PTGES3: variants seen among roughly 807,000 people sequenced by gnomAD.
PTGES3 encodes the protein prostaglandin E synthase 3.
A neutral mutation model predicts 29.9 loss-of-function variants in PTGES3; 5 were observed. The ratio of observed to expected loss-of-function variants is 0.17; its 90% CI spans 0.09 to 0.35. The LOEUF (loss-of-function observed/expected upper bound fraction) is 0.35, where lower values mean the gene tolerates loss of function less well. PTGES3 is among the 10% of genes least tolerant of loss of function. The pLI is 1.00. For missense variants in PTGES3, 128 were observed against 190.0 expected, an observed-to-expected ratio of 0.67 and a Z score of 1.92; for synonymous variants, 49 against 57.8, an observed-to-expected ratio of 0.85 and a Z score of 0.69.
At chr12:56,687,353 G>C (rs1952923004) in intron 1 of PTGES3, 1 of 987,988 alleles carries the variant, frequency 1.0e-6, no homozygotes, top group Non-Finnish European at 1.2e-6. Flanking sequence ...CAGGGAAGCG[G>C]CTGAGTTTTG....
intron 1 of PTGES3, chr12:56,687,376 G>A (rs1043800073): frequency 2.9e-5 from 29 of 987,660 alleles, no homozygotes; most frequent in East Asian, 2.3e-4. Context: ...AACCTCCCGT[G>A]TTTTCAAGAG....
chr12:56,684,506 T>C (rs1312065938), intron 1 of PTGES3, among the ~76,000 whole-genome samples: 8 of 152,214 alleles, frequency 5.3e-5, no homozygotes, highest in African/African-American at 1.9e-4. Flanking sequence ...AATTTTATTT[T>C]GGAGATTCGT....
chr12:56,668,047 G>A (rs1379044417), intron 5 of PTGES3, among the ~76,000 whole-genome samples: 5 of 152,140 alleles, frequency 3.3e-5, no homozygotes, highest in Non-Finnish European at 5.9e-5. Flanking sequence ...GGTGGAGGCT[G>A]GAGTGAGCCA....
chr12:56,674,277 G>A (rs1216852026), intron 1 of PTGES3, among the ~76,000 whole-genome samples: 1 of 151,778 alleles, frequency 6.6e-6, no homozygotes, highest in Non-Finnish European at 1.5e-5. Context: ...TGCAAACCAA[G>A]GAAAGGCCTC....
At chr12:56,665,225 G>A in intron 6 of PTGES3, 1 of 985,152 alleles carries the variant, frequency 1.0e-6, no homozygotes, top group African/African-American at 1.7e-5. Flanking sequence ...GCTGGGGTTG[G>A]AAAGATGTTG....
intron 1 of PTGES3, among the ~76,000 whole-genome samples, chr12:56,683,473 CA>C (rs71081388): frequency 0.014 from 404 of 29,720 alleles, 3 homozygotes; most frequent in South Asian, 0.045. Context: ...AACTCTGTCT[CA>C]AAAAAAAAAA....
At chr12:56,687,957 C>G in intron 1 of PTGES3, 41 bp downstream of exon 1, 1 of 1,603,404 alleles carries the variant, frequency 6.2e-7, no homozygotes, top group African/African-American at 1.3e-5. Flanking sequence ...GCGGCCTCGG[C>G]CTCACTCGGC....
chr12:56,674,639 A>C (rs1952141807), intron 1 of PTGES3, among the ~76,000 whole-genome samples: 1 of 151,774 alleles, frequency 6.6e-6, no homozygotes. Flanking sequence ...ATCCTGGCTA[A>C]CACGATGAAA....
intron 6 of PTGES3, 116 bp from the exon 7 acceptor site, chr12:56,664,916 T>A: frequency 1.4e-6 from 2 of 1,465,216 alleles, no homozygotes; most frequent in Non-Finnish European, 1.8e-6. Flanking sequence ...AGGTAGGTAG[T>A]CATATCAAGC....
intron 6 of PTGES3, chr12:56,665,654 CTTTT>C (rs1227175634): frequency 1.9e-5 from 19 of 983,688 alleles, no homozygotes; most frequent in East Asian, 1.1e-4. Flanking sequence ...TCTCTTCTTT[CTTTT>C]TGAGATGGAG....
In PTGES3 at chr12:56,664,348, G is replaced by GA; in HGVS notation, c.*130dup. ...AAGCCTTTTAAAAAACAAACAGGTT[G>GA]AAAAATGGGTTAAAGTAGGCAAATA... On this transcript the variant is annotated 3_prime_UTR_variant, in exon 8 of 8. Coordinates refer to ENST00000262033, the MANE Select transcript of PTGES3 (RefSeq NM_006601.7). 2 of 1,083,840 alleles carry GA rather than the reference G, an allele frequency of 1.8e-6. No homozygotes were observed. Among genetic ancestry groups the GA allele is most frequent in the East Asian group, 2.5e-5 (1 of 39,778 alleles). 67.1% of individuals were successfully genotyped at this position (1,083,840 alleles called of 1,614,324 possible). A position where few individuals can be genotyped will look rare whatever the true frequency, so the allele number is the denominator to read the frequency against.
chr12:56,686,498 C>A (rs1952861910), intron 1 of PTGES3, among the ~76,000 whole-genome samples: 1 of 152,110 alleles, frequency 6.6e-6, no homozygotes, highest in Non-Finnish European at 1.5e-5. Context: ...CCTCAGCCTC[C>A]CGAGTAGCTG....
At position 56,665,514 on chromosome 12, in the gene PTGES3, G is replaced by A. The variant is rs918085756; in HGVS notation, c.438+690C>T. ...TTCGCCATCTTGGCCAGGCTGGCCTGAAACTCTTGACCGCATGATCCACCC... is the reference window on the plus strand; with the variant it reads ...TTCGCCATCTTGGCCAGGCTGGCCTAAAACTCTTGACCGCATGATCCACCC... On this transcript the variant is annotated intron_variant, in intron 6 of 7. Transcript: ENST00000262033. 3.1e-6 allele frequency: 3 copies of A among 978,606 alleles called. No homozygotes were observed. In the African/African-American group the frequency reaches 5.3e-5, roughly 17 times the overall value. 60.6% of individuals were successfully genotyped at this position (978,606 alleles called of 1,614,324 possible).
At chr12:56,672,212 G>C (rs1289851155) in intron 3 of PTGES3, among the ~76,000 whole-genome samples, 2 of 152,104 alleles carry the variant, frequency 1.3e-5, no homozygotes, top group Non-Finnish European at 2.9e-5. Context: ...TCTTAGATAA[G>C]GGAAGCCTTG....
intron 1 of PTGES3, 22 bp from the exon 2 acceptor site, chr12:56,673,087 A>C (rs1457730404): frequency 5.9e-6 from 9 of 1,526,606 alleles, no homozygotes; most frequent in Non-Finnish European, 8.0e-6. Flanking sequence ...TAAAGTAGGG[A>C]AAGTCAAGCT....
At chr12:56,685,394 CT>C (rs1374341315) in intron 1 of PTGES3, among the ~76,000 whole-genome samples, 37 of 96,902 alleles carry the variant, frequency 3.8e-4, no homozygotes, top group African/African-American at 1.2e-3. Context: ...AGCATTTTTT[CT>C]TTTCTTTTTT....
At chr12:56,687,142 G>A in intron 1 of PTGES3, 1 of 894,740 alleles carries the variant, frequency 1.1e-6, no homozygotes, top group Non-Finnish European at 1.4e-6. Flanking sequence ...CATAGAATCT[G>A]TATTCACCTC....
intron 5 of PTGES3, among the ~76,000 whole-genome samples, chr12:56,667,429 TA>T (rs560964425): frequency 6.6e-6 from 1 of 152,132 alleles, no homozygotes; most frequent in Non-Finnish European, 1.5e-5. Flanking sequence ...GAAAGGACCT[TA>T]AAAAGATAGT....
chr12:56,673,241 A>G (rs1565865902), intron 1 of PTGES3, among the ~76,000 whole-genome samples, 176 bp from the exon 2 acceptor site: 1 of 152,158 alleles, frequency 6.6e-6, no homozygotes, highest in Admixed American at 6.6e-5. Flanking sequence ...GTCTAACAAG[A>G]TTTAGTTTCA....
Sources: gnomAD v4.1 joint callset for allele counts (sites outside exome capture counted in the v4.1 genomes callset) on GRCh38, gnomAD v4.1.1 for gene constraint, MANE v1.5 for transcripts, NCBI Gene and HGNC (gene_info 2026-07-23, HGNC 2026-07-21) for gene names.